ZFP82: variants seen among roughly 807,000 people sequenced by gnomAD.
The protein encoded by ZFP82 is ZFP82 zinc finger protein.
Under a neutral mutation model 54.0 loss-of-function variants are expected in ZFP82, and 30 were observed. The ratio of observed to expected loss-of-function variants is 0.56; its 90% confidence interval spans 0.42 to 0.75. ZFP82 has a LOEUF of 0.75. Ranked by LOEUF, ZFP82 falls within the 30% of genes least tolerant of loss-of-function variation. ZFP82 has a pLI of 0.00. For synonymous variants in ZFP82, 194 were observed against 209.5 expected, an observed-to-expected ratio of 0.93 and a Z score of 0.64; for missense variants, 500 against 636.8, an observed-to-expected ratio of 0.79 and a Z score of 2.31.
intron 4 of ZFP82, among the ~76,000 whole-genome samples, chr19:36,404,326 A>AG (rs1284131973): frequency 1.3e-5 from 2 of 152,220 alleles, no homozygotes; most frequent in Non-Finnish European, 2.9e-5. Flanking sequence ...TCTGATCATT[A>AG]GATTTTCTCA....
downstream of ZFP82, among the ~76,000 whole-genome samples, chr19:36,385,016 T>G (rs1028693732): frequency 1.3e-5 from 2 of 152,096 alleles, no homozygotes; most frequent in Non-Finnish European, 2.9e-5. Context: ...GAAGGTGCTG[T>G]GGTTTGAATG....
Position 36,393,087 on chromosome 19 carries a change from C to T in ZFP82, c.1253G>A (p.Gly418Asp), listed in dbSNP as rs756574622. 1.9e-6 allele frequency: 3 copies of T among 1,613,906 alleles called. No individual in the cohort carries two copies. The highest frequency in any genetic ancestry group is 1.1e-5 in the South Asian group (1 of 91,048). Residue 418 changes from glycine to aspartate, a missense_variant, in exon 5 of 5, where the codon GGT becomes GAT. Transcript: ENST00000392161. ...TTCCTTACAGTCATAGGGCTTAACA[C>T]CAATATGAATACTCTGATGTGAAAT... ...QLISHQSIHI[G>D]VKPYDCKECG...
chr19:36,383,710 A>G (rs2032085457), downstream of ZFP82: 1 of 152,206 alleles, frequency 6.6e-6, no homozygotes, highest in African/African-American at 2.4e-5. Context: ...TTAGGTAATA[A>G]TGAAAGCTAT....
In ZFP82 at chr19:36,411,482, A is replaced by G. The variant is rs113747003; in HGVS notation, c.-78-1615T>C. Among the ~76,000 whole-genome samples, 322 of 152,342 alleles carry G rather than the reference A, an allele frequency of 2.1e-3. 1 individual carries two copies. The highest frequency in any genetic ancestry group is 7.5e-3 in the African/African-American group (312 of 41,578). ...CTAACCAGTATACTGCAGACTGCAT[A>G]GATTTCAAAGTATGTACAAGCAGCA... On this transcript the variant is annotated intron_variant, in intron 1 of 4. Transcript: ENST00000392161.
chr19:36,389,370 T>G lies in ZFP82; in HGVS notation c.*3371A>C, dbSNP rs1210268870. ...GATTTTCTACTTTAAAAAACTTTAT[T>G]ATGGAAAATTTAAAATATATGTAAA... On this transcript the variant is annotated 3_prime_UTR_variant, in exon 5 of 5. Transcript: ENST00000392161. 6.6e-6 allele frequency among the ~76,000 whole-genome samples: 1 copy of G among 152,178 alleles called. No individual in the cohort carries two copies.
downstream of ZFP82, among the ~76,000 whole-genome samples, chr19:36,388,158 C>T (rs2032136193): frequency 6.6e-6 from 1 of 152,110 alleles, no homozygotes; most frequent in African/African-American, 2.4e-5. Context: ...GGCCAGGCCC[C>T]AGGGTATTCC....
intron 1 of ZFP82, among the ~76,000 whole-genome samples, chr19:36,410,986 A>C (rs969621725): frequency 1.3e-5 from 2 of 149,532 alleles, no homozygotes; most frequent in African/African-American, 2.5e-5. Flanking sequence ...TGAGGTCAGG[A>C]GTTCGAGACC....
At chr19:36,384,382 T>C (rs573983061), downstream of ZFP82, 2 of 152,302 alleles carry the variant, frequency 1.3e-5, no homozygotes, top group Admixed American at 6.5e-5. Flanking sequence ...TAATCATACA[T>C]CTGCCATAAT....
downstream of ZFP82, among the ~76,000 whole-genome samples, chr19:36,387,667 G>A (rs1299370232): frequency 6.6e-6 from 1 of 152,184 alleles, no homozygotes; most frequent in Non-Finnish European, 1.5e-5. Context: ...GCCCAGGCTG[G>A]AGTGCAATGG....
chr19:36,410,560 TG>T (rs1379319487), intron 1 of ZFP82, among the ~76,000 whole-genome samples: 4 of 151,988 alleles, frequency 2.6e-5, no homozygotes, highest in Non-Finnish European at 5.9e-5. Context: ...TGGAGTGCGG[TG>T]GCACGATCTC....
In ZFP82 at chr19:36,404,899, A is replaced by G. The variant is rs151187450; in HGVS notation, c.229+681T>C. Among the ~76,000 whole-genome samples, 106 of 152,274 alleles carry G rather than the reference A, an allele frequency of 7.0e-4. 2 individuals are homozygous for G. The East Asian group carries it at 0.011, about 16-fold the overall frequency. On this transcript the variant is annotated intron_variant, in intron 4 of 4. Coordinates refer to ENST00000392161, the MANE Select transcript of ZFP82 (RefSeq NM_133466.4). ...TCAGCTGACACTATAAATGCAAAAGAGGGGCTGGGCACAGTGGCTCACATC... is the reference window on the plus strand; with the variant it reads ...TCAGCTGACACTATAAATGCAAAAGGGGGGCTGGGCACAGTGGCTCACATC...
chr19:36,416,980 T>TAAGAATCGCTTGAACCACGGAGAGGTAC (rs1351814941), intron 1 of ZFP82, among the ~76,000 whole-genome samples: 1 of 137,584 alleles, frequency 7.3e-6, no homozygotes, highest in African/African-American at 2.8e-5. Context: ...GGCTGAGGTA[T>TAAGAATCGCTTGAACCACGGAGAGGTAC]AAGAATCGCT....
intron 4 of ZFP82, among the ~76,000 whole-genome samples, chr19:36,403,622 G>GGA (rs1555762508): frequency 1.5e-5 from 2 of 131,684 alleles, no homozygotes; most frequent in African/African-American, 2.9e-5. Context: ...TCCGTCGCAA[G>GGA]AAAAAAAAAA....
intron 2 of ZFP82, 100 bp downstream of exon 2, chr19:36,409,681 G>C: frequency 7.8e-7 from 1 of 1,288,604 alleles, no homozygotes; most frequent in Non-Finnish European, 1.1e-6. Context: ...ACTGGAAGAA[G>C]GTTCTTGGAT....
At position 36,392,698 on chromosome 19, in the gene ZFP82, C is replaced by A; in HGVS notation, c.*43G>T. On this transcript the variant is annotated 3_prime_UTR_variant, in exon 5 of 5. Coordinates refer to ENST00000392161, the MANE Select transcript of ZFP82 (RefSeq NM_133466.4). ...ATGGAGCAAAATAGATTAATTACTA[C>A]ATTCATAGAATGTTCTATAACACAG... is the stretch of plus-strand genomic sequence containing the variant. 3 of 1,486,628 alleles carry A rather than the reference C, an allele frequency of 2.0e-6. No homozygotes were observed. Among genetic ancestry groups the A allele is most frequent in the Admixed American group, 2.4e-5 (1 of 42,102 alleles). 92.1% of individuals were successfully genotyped at this position (1,486,628 alleles called of 1,614,324 possible). A position where few individuals can be genotyped will look rare whatever the true frequency, so the allele number is the denominator to read the frequency against.
intron 4 of ZFP82, among the ~76,000 whole-genome samples, chr19:36,398,195 T>G (rs1472813782): frequency 6.6e-6 from 1 of 152,162 alleles, no homozygotes; most frequent in Non-Finnish European, 1.5e-5. Context: ...GAAAAAATTC[T>G]AAATATCTAA....
Position 36,393,125 on chromosome 19 carries a change from G to C in ZFP82, c.1215C>G (p.Arg405=). The C allele has an allele frequency of 1.9e-6, 3 of 1,612,012 alleles. No homozygotes were observed. The highest frequency in any genetic ancestry group is 2.5e-6 in the Non-Finnish European group (3 of 1,179,580). The change falls in exon 5 of 5, where the codon CGC becomes CGG. Residue 405 remains arginine, a synonymous_variant. Transcript: ENST00000392161. ...TCTGATGTGAAATAAGTTGTGAGTA[G>C]CGACTAAAGGCTTTCCAGCATTCCT... ...ECKECWKAFS[R]YSQLISHQSI...
chr19:36,401,728 C>G (rs1213808029), intron 4 of ZFP82, among the ~76,000 whole-genome samples: 1 of 152,206 alleles, frequency 6.6e-6, no homozygotes, highest in African/African-American at 2.4e-5. Context: ...ATTACCGGGT[C>G]CTTGCCTAAC....
Position 36,391,935 on chromosome 19 carries a change from A to C in ZFP82, c.*806T>G, listed in dbSNP as rs2032205895. Reference sequence around the variant, plus strand: ...ATGAATTATGTAAAAATAAATATTTAGTATGATAATAAAAGAAAGTTTAGT... The same window carrying C: ...ATGAATTATGTAAAAATAAATATTTCGTATGATAATAAAAGAAAGTTTAGT... On this transcript the variant is annotated 3_prime_UTR_variant, in exon 5 of 5. Coordinates refer to ENST00000392161, the MANE Select transcript of ZFP82 (RefSeq NM_133466.4). 6.6e-6 allele frequency: 1 copy of C among 152,262 alleles called. No individual in the cohort carries two copies. Among genetic ancestry groups the C allele is most frequent in the Admixed American group, 6.5e-5 (1 of 15,284 alleles). 9.4% of individuals were successfully genotyped at this position (152,262 alleles called of 1,614,324 possible).
Sources: allele counts gnomAD v4.1 joint callset (sites outside exome capture counted in the v4.1 genomes callset), GRCh38; gene constraint gnomAD v4.1.1; transcripts MANE v1.5; gene names NCBI Gene and HGNC (gene_info 2026-07-23, HGNC 2026-07-21).